FERMT2: variants seen among roughly 807,000 people sequenced by gnomAD.
FERMT2 encodes FERM domain containing kindlin 2, also known as fermitin family homolog 2.
A neutral mutation model predicts 82.7 loss-of-function variants in FERMT2; 15 were observed. The ratio of observed to expected loss-of-function variants is 0.18; its 90% CI spans 0.12 to 0.28. FERMT2 has a LOEUF of 0.28. Among genes scored for constraint, FERMT2 ranks in the 10% least tolerant of loss-of-function variants. The pLI, the probability that FERMT2 is intolerant of heterozygous loss-of-function variation, is 1.00. For missense variants in FERMT2, 645 were observed against 809.4 expected (o/e 0.80, Z 2.46); for synonymous variants, 274 against 271.5 (o/e 1.01, Z -0.09).
At chr14:52,931,505 T>A (rs774738790) in intron 2 of FERMT2, among the ~76,000 whole-genome samples, 1 of 152,110 alleles carries the variant, frequency 6.6e-6, no homozygotes, top group Non-Finnish European at 1.5e-5. Flanking sequence ...GGGCCTGACA[T>A]AAGGCAGAAG....
chr14:52,922,330 C>G (rs1242991779), intron 2 of FERMT2, among the ~76,000 whole-genome samples: 1 of 152,162 alleles, frequency 6.6e-6, no homozygotes, highest in East Asian at 1.9e-4. Context: ...CTGCCCTGCA[C>G]TCAGGCAGAG....
rs79173467 is a variant in FERMT2, at chr14:52,950,402, T to C, written c.157+10A>G. 1,795 of 1,610,596 alleles carry C rather than the reference T, an allele frequency of 1.1e-3. 19 individuals are homozygous for C. In the African/African-American group the frequency reaches 0.022, roughly 19 times the overall value. Reference sequence around the variant, plus strand: ...AGTCATTAGTTGGACGCGGCTGGGATGCTACTCACCGAGTTTCTCCACCAG... The same window carrying C: ...AGTCATTAGTTGGACGCGGCTGGGACGCTACTCACCGAGTTTCTCCACCAG... On this transcript the variant is annotated intron_variant, in intron 2 of 14. Coordinates refer to ENST00000341590, the MANE Select transcript of FERMT2 (RefSeq NM_006832.3).
Position 52,858,308 on chromosome 14 carries a change from C to G in FERMT2, c.*69G>C. The G allele has an allele frequency of 7.5e-7, 1 of 1,341,312 alleles. No homozygotes were observed. Among genetic ancestry groups the G allele is most frequent in the South Asian group, 1.3e-5 (1 of 79,744 alleles). 83.1% of individuals were successfully genotyped at this position (1,341,312 alleles called of 1,614,324 possible). On this transcript the variant is annotated 3_prime_UTR_variant, in exon 15 of 15. Coordinates refer to ENST00000341590, the MANE Select transcript of FERMT2 (RefSeq NM_006832.3). Reference sequence around the variant, plus strand: ...ATTTCAAGCTTACTTTATTAAGCAGCATATAACAAACAGCTTTTAAAGTTA... The same window carrying G: ...ATTTCAAGCTTACTTTATTAAGCAGGATATAACAAACAGCTTTTAAAGTTA...
rs572903952 is a variant in FERMT2, at chr14:52,920,717, C to T, written c.158-1361G>A. Among the ~76,000 whole-genome samples, 3 of 152,280 alleles carry T rather than the reference C, an allele frequency of 2.0e-5. No homozygotes were observed. In the East Asian group the frequency reaches 5.8e-4, roughly 29 times the overall value. ...CCTATAATCCCAAAACTTTGGGAGG[C>T]TGAGGCGGGCAGATCACTTGAGCCC... On this transcript the variant is annotated intron_variant, in intron 2 of 14. Coordinates refer to ENST00000341590, the MANE Select transcript of FERMT2 (RefSeq NM_006832.3).
intron 3 of FERMT2, among the ~76,000 whole-genome samples, chr14:52,896,459 A>G (rs1001053846): frequency 2.6e-5 from 4 of 152,098 alleles, no homozygotes; most frequent in Non-Finnish European, 5.9e-5. Context: ...GCTGCTACAG[A>G]GTTGATGAGG....
intron 3 of FERMT2, among the ~76,000 whole-genome samples, chr14:52,897,008 ACACACACACACAC>A (rs1436416080): frequency 5.4e-4 from 11 of 20,286 alleles, no homozygotes; most frequent in African/African-American, 8.6e-4. Flanking sequence ...AAACACACAC[ACACACACACACAC>A]ACACACACAC....
At chr14:52,867,846 C>G (rs371684108) in intron 10 of FERMT2, among the ~76,000 whole-genome samples, 3 of 152,266 alleles carry the variant, frequency 2.0e-5, no homozygotes, top group African/African-American at 7.2e-5. Context: ...AATGACCCCA[C>G]TTCAACCTCC....
intron 3 of FERMT2, among the ~76,000 whole-genome samples, chr14:52,901,907 A>G (rs928841291): frequency 2.6e-5 from 4 of 152,226 alleles, no homozygotes; most frequent in African/African-American, 9.6e-5. Flanking sequence ...TGCTAAATTT[A>G]TGGTAATTTG....
At chr14:52,875,103 C>G in intron 8 of FERMT2, 120 bp downstream of exon 8, 1 of 837,190 alleles carries the variant, frequency 1.2e-6, no homozygotes, top group South Asian at 2.0e-5. Context: ...CATCTGATTT[C>G]TCTCTCTAAA....
At chr14:52,898,318 G>C (rs1887419068) in intron 3 of FERMT2, among the ~76,000 whole-genome samples, 1 of 152,008 alleles carries the variant, frequency 6.6e-6, no homozygotes, top group South Asian at 2.1e-4. Flanking sequence ...GCATTTTTCA[G>C]CTAAAGTTAC....
At chr14:52,903,302 C>G (rs895556364) in intron 3 of FERMT2, among the ~76,000 whole-genome samples, 1 of 151,924 alleles carries the variant, frequency 6.6e-6, no homozygotes, top group Non-Finnish European at 1.5e-5. Context: ...CTTTGGGAGA[C>G]GAAGGTGGGA....
rs957443544 is a variant in FERMT2, at chr14:52,874,290, A to G, written c.1099-64T>C. The G allele has an allele frequency of 1.8e-5, 18 of 984,018 alleles. No individual in the cohort carries two copies. The East Asian group carries it at 4.7e-4, about 26-fold the overall frequency. 61.0% of individuals were successfully genotyped at this position (984,018 alleles called of 1,614,324 possible). On this transcript the variant is annotated intron_variant, in intron 8 of 14. Coordinates refer to ENST00000341590, the MANE Select transcript of FERMT2 (RefSeq NM_006832.3). ...TTTGAAATTCTTTCTAATGTTTGGTATCTGATATCAAGAACTAGCTTACTT... is the reference window on the plus strand; with the variant it reads ...TTTGAAATTCTTTCTAATGTTTGGTGTCTGATATCAAGAACTAGCTTACTT...
chr14:52,865,958 T>G (rs1885255693), intron 10 of FERMT2, among the ~76,000 whole-genome samples: 1 of 152,208 alleles, frequency 6.6e-6, no homozygotes, highest in Non-Finnish European at 1.5e-5. Context: ...ATTTCTTCTT[T>G]TATATCTCCT....
At chr14:52,896,378 A>G (rs1048856143) in intron 3 of FERMT2, among the ~76,000 whole-genome samples, 1 of 152,214 alleles carries the variant, frequency 6.6e-6, no homozygotes, top group African/African-American at 2.4e-5. Flanking sequence ...GACATCCACT[A>G]GATTCAACCC....
chr14:52,945,326 T>C (rs986816609), intron 2 of FERMT2, among the ~76,000 whole-genome samples: 3 of 151,618 alleles, frequency 2.0e-5, no homozygotes, highest in African/African-American at 7.3e-5. Context: ...TCTCAGCTCA[T>C]TGCAACATCC....
intron 2 of FERMT2, among the ~76,000 whole-genome samples, chr14:52,943,721 T>C (rs1890199065): frequency 6.6e-6 from 1 of 152,216 alleles, no homozygotes; most frequent in Non-Finnish European, 1.5e-5. Context: ...TGTTTGTGTG[T>C]ATAGAAAATT....
intron 13 of FERMT2, 75 bp downstream of exon 13, chr14:52,860,266 A>G: frequency 7.6e-7 from 1 of 1,323,824 alleles, no homozygotes; most frequent in Non-Finnish European, 1.1e-6. Flanking sequence ...TTAGATGTTT[A>G]ATATCTAATT....
chr14:52,876,992 A>G (rs755399662), intron 7 of FERMT2, among the ~76,000 whole-genome samples: 3 of 152,026 alleles, frequency 2.0e-5, no homozygotes, highest in Non-Finnish European at 4.4e-5. Context: ...ATGAATTAAA[A>G]CCTGTGGTCT....
At chr14:52,921,030 C>T (rs1221402404) in intron 2 of FERMT2, among the ~76,000 whole-genome samples, 1 of 152,018 alleles carries the variant, frequency 6.6e-6, no homozygotes, top group African/African-American at 2.4e-5. Context: ...TTAATATAGT[C>T]GTACCTTTAA....
Sources: gnomAD v4.1 joint callset for allele counts (sites outside exome capture counted in the v4.1 genomes callset) on GRCh38, gnomAD v4.1.1 for gene constraint, MANE v1.5 for transcripts, NCBI Gene and HGNC (gene_info 2026-07-23, HGNC 2026-07-21) for gene names.